ZBED6: variants seen among roughly 807,000 people sequenced by gnomAD.
The protein encoded by ZBED6 is zinc finger BED domain-containing protein 6.
Under a neutral mutation model 58.4 loss-of-function variants are expected in ZBED6, and 40 were observed. The observed-to-expected ratio is 0.68, with a 90% confidence interval of 0.53 to 0.89. The LOEUF is 0.89. Ranked by LOEUF, ZBED6 falls within the 40% of genes least tolerant of loss-of-function variation. The pLI is 0.00. For synonymous variants in ZBED6, 439 were observed against 350.6 expected (o/e 1.25, Z -2.82); for missense variants, 1,057 against 1,003.9 (o/e 1.05, Z -0.71).
At chr1:203,838,946 C>G (rs1207786532) in intron 10 of ZBED6, among the ~76,000 whole-genome samples, 3 of 99,748 alleles carry the variant, frequency 3.0e-5, no homozygotes, top group African/African-American at 1.2e-4. Context: ...CCGAGTGAGA[C>G]TTCATCTCAA....
intron 1 of ZBED6, among the ~76,000 whole-genome samples, chr1:203,809,608 T>G (rs1266134287): frequency 1.3e-5 from 2 of 152,088 alleles, no homozygotes; most frequent in Non-Finnish European, 2.9e-5. Context: ...TTGAGAAAGG[T>G]CCCATTATTT....
At chr1:203,849,724 C>T in exon 14 of ZBED6, 1 of 1,613,848 alleles carries the variant, frequency 6.2e-7, no homozygotes, top group Non-Finnish European at 8.5e-7. Context: ...TCAGGTGAGA[C>T]CACAGGAGTT....
intron 1 of ZBED6, among the ~76,000 whole-genome samples, chr1:203,804,776 G>T (rs1168762959): frequency 6.6e-6 from 1 of 150,656 alleles, no homozygotes; most frequent in Non-Finnish European, 1.5e-5. Context: ...AGGTTCAAGT[G>T]ATTCTTCTGT....
rs776828290 is a variant in ZBED6 at position 203,818,714 on chromosome 1, T to A, written c.*2873+25T>A. ...TGTAAGTTTTTTATTTCCGTTATCA[T>A]AATAAGTAGTCTGGAGACCTGGTGG... is the stretch of plus-strand genomic sequence containing the variant. On this transcript the variant is annotated intron_variant, in intron 3 of 16. Transcript: ENST00000550078. 2.4e-5 allele frequency: 39 copies of A among 1,613,744 alleles called. No individual in the cohort carries two copies. In the South Asian group the frequency reaches 3.6e-4, roughly 15 times the overall value.
rs767249651 is a variant in ZBED6, at chr1:203,833,861, A to G, written c.*3573+8A>G. The stretch of plus-strand genomic sequence containing the variant: ...AACGAAAATTTTCAGCAGGTAAGAT[A>G]AGTTTTGTGTATATCTTTTCTTTTC... On this transcript the variant is annotated splice_region_variant and intron_variant, in intron 9 of 16. Transcript: ENST00000550078. The G allele has an allele frequency of 1.9e-6, 3 of 1,608,700 alleles. No individual in the cohort carries two copies. Among genetic ancestry groups the G allele is most frequent in the South Asian group, 1.1e-5 (1 of 90,116 alleles).
chr1:203,837,934 G>C (rs1219995557), intron 9 of ZBED6, 32 bp from the exon 10 acceptor site: 1 of 1,589,798 alleles, frequency 6.3e-7, no homozygotes. Context: ...AGATTGACTT[G>C]AAATCTTAAA....
chr1:203,848,266 A>G, intron 12 of ZBED6, 65 bp from the exon 13 acceptor site: 1 of 1,359,340 alleles, frequency 7.4e-7, no homozygotes, highest in Admixed American at 2.0e-5. Flanking sequence ...AGTTTTGTTT[A>G]ACATATCTAT....
rs1432998463 is a variant in ZBED6 at position 203,798,583 on chromosome 1, G to A, written c.1061G>A (p.Gly354Asp). The A allele has an allele frequency of 8.5e-6, 13 of 1,535,984 alleles. 1 individual carries two copies. In the South Asian group the frequency reaches 1.2e-4, roughly 14 times the overall value. ...ACCTTGCATGGAGAAAAGTCTACAG[G>A]CAGCCAAGATTTAACAGCTGAGGAC... Residue 354 changes from glycine (G) to aspartate (D), a missense_variant, in exon 1 of 17, where the codon GGC (glycine) becomes GAC (aspartate). Transcript: ENST00000550078.
Position 203,797,506 on chromosome 1 carries a change from G to A in ZBED6, c.-17G>A. The A allele has an allele frequency of 2.0e-6, 3 of 1,474,716 alleles. No individual in the cohort carries two copies. In the South Asian group the frequency reaches 4.2e-5, roughly 21 times the overall value. 91.4% of individuals were successfully genotyped at this position (1,474,716 alleles called of 1,614,324 possible). A position where few individuals can be genotyped will look rare whatever the true frequency, so the allele number is the denominator to read the frequency against. Reference sequence around the variant, plus strand: ...CCACTAACAGATTCTGGTACGAATTGTGGAGACATAAAGAGAATGAGTGTA... The same window carrying A: ...CCACTAACAGATTCTGGTACGAATTATGGAGACATAAAGAGAATGAGTGTA... On this transcript the variant is annotated 5_prime_UTR_variant, in exon 1 of 17. In the 5' UTR this introduces an upstream ATG that the reference lacks. Transcript: ENST00000550078.
Position 203,829,906 on chromosome 1 carries a change from G to A in ZBED6, c.*3318+10G>A, listed in dbSNP as rs763144075. ...GTCAATATAAAGCAAGGTAAGAAGA[G>A]GCTAGATTGGTGCCTCTTATAGCAC... On this transcript the variant is annotated intron_variant, in intron 6 of 16. Coordinates refer to ENST00000550078, the Ensembl canonical transcript of ZBED6. The A allele has an allele frequency of 1.9e-5, 31 of 1,610,036 alleles. No individual in the cohort carries two copies. The highest frequency in any genetic ancestry group is 2.0e-5 in the Non-Finnish European group (23 of 1,176,326).
intron 3 of ZBED6, among the ~76,000 whole-genome samples, chr1:203,819,969 G>A (rs549567717): frequency 1.1e-4 from 17 of 150,936 alleles, no homozygotes; most frequent in Non-Finnish European, 1.6e-4. Context: ...GGGCTCAGTG[G>A]CTCACGCCTG....
At chr1:203,823,648 A>C (rs1679508985) in intron 3 of ZBED6, among the ~76,000 whole-genome samples, 1 of 152,258 alleles carries the variant, frequency 6.6e-6, no homozygotes, top group Non-Finnish European at 1.5e-5. Flanking sequence ...CAGTAGTCTA[A>C]GAGCTGCTAT....
At position 203,852,050 on chromosome 1, in the gene ZBED6, A is replaced by G. The variant is rs1345612500; in HGVS notation, c.*4874-91A>G. ...TTCTTTATGTATGTTCTTAAAAACA[A>G]ATTTTTGCTCACTTTGTGTCCGTGA... is the stretch of plus-strand genomic sequence containing the variant. On this transcript the variant is annotated intron_variant, in intron 16 of 16. Coordinates refer to ENST00000550078, the Ensembl canonical transcript of ZBED6. 3 of 1,463,114 alleles carry G rather than the reference A, an allele frequency of 2.1e-6. No individual in the cohort carries two copies. In the African/African-American group the frequency reaches 4.3e-5, roughly 21 times the overall value. 90.6% of individuals were successfully genotyped at this position (1,463,114 alleles called of 1,614,324 possible).
intron 3 of ZBED6, among the ~76,000 whole-genome samples, chr1:203,820,418 C>T (rs977293086): frequency 1.0e-4 from 15 of 149,008 alleles, no homozygotes; most frequent in Admixed American, 8.7e-4. Context: ...TTGTATTCCC[C>T]CTCATTACTA....
chr1:203,808,248 AT>A (rs1673054641), intron 1 of ZBED6, among the ~76,000 whole-genome samples: 1 of 152,156 alleles, frequency 6.6e-6, no homozygotes, highest in Admixed American at 6.5e-5. Flanking sequence ...TCTCCTTTAC[AT>A]TCTGGATGAA....
In ZBED6 at chr1:203,838,888, G is replaced by A. The variant is rs552512934; in HGVS notation, c.*3672+824G>A. Among the ~76,000 whole-genome samples the A allele has an allele frequency of 1.5e-4, 22 of 147,990 alleles. No individual in the cohort carries two copies. In the South Asian group the frequency reaches 4.6e-3, roughly 31 times the overall value. ...GAATTGTGTGAACCTGGAAGGCGGA[G>A]GTTACAGTGAGCCAAGATCAGTCAC... On this transcript the variant is annotated intron_variant, in intron 10 of 16. Transcript: ENST00000550078.
intron 1 of ZBED6, among the ~76,000 whole-genome samples, chr1:203,804,811 T>G (rs1037922667): frequency 2.0e-5 from 3 of 151,934 alleles, no homozygotes; most frequent in Non-Finnish European, 2.9e-5. Flanking sequence ...TAGCTGAGAT[T>G]ACAGGCGCAT....
intron 1 of ZBED6, among the ~76,000 whole-genome samples, chr1:203,815,216 C>CTTTTT (rs59254922): frequency 0.44 from 41,761 of 94,578 alleles, 11,533 homozygotes; most frequent in Non-Finnish European, 0.47. Context: ...CTTTTCTTTT[C>CTTTTT]TTTTTTTTTT....
At chr1:203,827,650 C>A (rs1047339451) in intron 3 of ZBED6, among the ~76,000 whole-genome samples, 2 of 151,092 alleles carry the variant, frequency 1.3e-5, no homozygotes, top group Non-Finnish European at 2.9e-5. Flanking sequence ...CCACTGCACT[C>A]CAGCCTGGGT....
Sources: gnomAD v4.1 joint callset for allele counts (sites outside exome capture counted in the v4.1 genomes callset) on GRCh38, gnomAD v4.1.1 for gene constraint, MANE v1.5 for transcripts, NCBI Gene and HGNC (gene_info 2026-07-23, HGNC 2026-07-21) for gene names.